The following DLG2 variants were observed in gnomAD, a reference collection of about 807,000 sequenced individuals.
DLG2 encodes disks large homolog 2.
DLG2 carries 45 observed loss-of-function variants against 132.5 expected under a neutral mutation model. The ratio of observed to expected loss-of-function variants is 0.34; its 90% confidence interval spans 0.27 to 0.44. The LOEUF is 0.44. Among genes scored for constraint, DLG2 ranks in the 20% least tolerant of loss-of-function variants. The pLI is 1.00. For synonymous variants in DLG2, 424 were observed against 419.6 expected, an observed-to-expected ratio of 1.01 and a Z score of -0.13; for missense variants, 1,045 against 1,196.9, an observed-to-expected ratio of 0.87 and a Z score of 1.87.
intron 18 of DLG2, among the ~76,000 whole-genome samples, chr11:83,694,955 A>T (rs1326319569): frequency 6.6e-6 from 1 of 152,238 alleles, no homozygotes; most frequent in African/African-American, 2.4e-5. Context: ...AGACACATTC[A>T]GTGGCCCCGT....
rs532690953 is a variant in DLG2 at position 83,917,265 on chromosome 11, GT to G, written c.1496+13062del. On this transcript the variant is annotated intron_variant, in intron 15 of 27. Transcript: ENST00000376104. ...AATTTGTTTCTTTTCAATCTTCTAA[GT>G]TTGCTGAATAGTTTTTGTTTTATTA... Among the ~76,000 whole-genome samples the G allele has an allele frequency of 3.9e-5, 6 of 152,208 alleles. No individual in the cohort carries two copies. In the South Asian group the frequency reaches 1.2e-3, roughly 32 times the overall value.
chr11:84,344,724 G>A (rs563600818), intron 7 of DLG2, among the ~76,000 whole-genome samples: 1 of 152,168 alleles, frequency 6.6e-6, no homozygotes, highest in East Asian at 1.9e-4. Context: ...TCCAACTAAC[G>A]TTCCCTGTCT....
intron 6 of DLG2, among the ~76,000 whole-genome samples, chr11:85,084,096 A>G (rs1174681670): frequency 6.6e-6 from 1 of 152,210 alleles, no homozygotes; most frequent in Non-Finnish European, 1.5e-5. Context: ...GCAGATAAAT[A>G]GAGCAACAGC....
chr11:84,580,112 A>G (rs188681469), intron 6 of DLG2, among the ~76,000 whole-genome samples: 112 of 152,306 alleles, frequency 7.4e-4, no homozygotes, highest in African/African-American at 2.6e-3. Flanking sequence ...TACTGATTTA[A>G]ATGAGGAAAT....
At chr11:83,637,051 T>C (rs1291621832) in intron 18 of DLG2, among the ~76,000 whole-genome samples, 1 of 152,218 alleles carries the variant, frequency 6.6e-6, no homozygotes, top group Non-Finnish European at 1.5e-5. Context: ...GGCAGAGCTC[T>C]GTCTCCAACT....
At chr11:84,508,400 C>CTTTTT (rs371285075) in intron 7 of DLG2, among the ~76,000 whole-genome samples, 2 of 141,086 alleles carry the variant, frequency 1.4e-5, no homozygotes, top group African/African-American at 5.2e-5. Flanking sequence ...CTTTCTTTAC[C>CTTTTT]TTTTTTTTTT....
intron 6 of DLG2, among the ~76,000 whole-genome samples, chr11:84,946,385 C>A (rs1170285354): frequency 6.6e-6 from 1 of 152,104 alleles, no homozygotes; most frequent in African/African-American, 2.4e-5. Flanking sequence ...CTGGCAACAA[C>A]TGATGCTTAT....
intron 7 of DLG2, among the ~76,000 whole-genome samples, chr11:84,406,154 C>T (rs1243492374): frequency 6.6e-6 from 1 of 152,152 alleles, no homozygotes; most frequent in African/African-American, 2.4e-5. Flanking sequence ...CCCTACTGCC[C>T]TAGCTGTCAC....
At chr11:85,519,022 CAT>C (rs2094224497) in intron 3 of DLG2, among the ~76,000 whole-genome samples, 2 of 152,164 alleles carry the variant, frequency 1.3e-5, no homozygotes, top group Non-Finnish European at 2.9e-5. Flanking sequence ...TATGGAAAGA[CAT>C]ATGGAAACAC....
chr11:84,863,145 C>G (rs1274988327), intron 6 of DLG2, among the ~76,000 whole-genome samples: 1 of 151,902 alleles, frequency 6.6e-6, no homozygotes, highest in Non-Finnish European at 1.5e-5. Flanking sequence ...TAAAGCTGAC[C>G]TTTAATTGTC....
chr11:83,786,020 A>G (rs1228116744), intron 18 of DLG2, among the ~76,000 whole-genome samples: 2 of 152,202 alleles, frequency 1.3e-5, no homozygotes, highest in African/African-American at 4.8e-5. Context: ...ATTTTCTAAG[A>G]AATCAACCAT....
chr11:85,171,840 A>T (rs2078899745), intron 4 of DLG2, among the ~76,000 whole-genome samples: 1 of 152,210 alleles, frequency 6.6e-6, no homozygotes, highest in Non-Finnish European at 1.5e-5. Flanking sequence ...CATAGCTGCC[A>T]TGCCAGATCA....
chr11:85,395,349 G>C (rs573500827), intron 3 of DLG2, among the ~76,000 whole-genome samples: 2 of 152,132 alleles, frequency 1.3e-5, no homozygotes, highest in African/African-American at 2.4e-5. Flanking sequence ...AGGCAGAAGA[G>C]GGGTGGTTTC....
intron 7 of DLG2, among the ~76,000 whole-genome samples, chr11:84,468,636 T>C (rs922276976): frequency 1.3e-5 from 2 of 151,544 alleles, no homozygotes; most frequent in Non-Finnish European, 3.0e-5. Context: ...TGGGTCCTTA[T>C]CATGGGATTT....
chr11:85,065,879 A>T (rs2154162879), intron 6 of DLG2, among the ~76,000 whole-genome samples: 1 of 151,692 alleles, frequency 6.6e-6, no homozygotes. Flanking sequence ...AAGATCTCAA[A>T]TTAACGATTT....
chr11:85,015,034 TC>T (rs1368169974), intron 6 of DLG2, among the ~76,000 whole-genome samples: 2 of 152,210 alleles, frequency 1.3e-5, no homozygotes, highest in East Asian at 1.9e-4. Flanking sequence ...ATTTTAAGCC[TC>T]CCCTCTTGAC....
At position 85,248,325 on chromosome 11, in the gene DLG2, A is replaced by G. The variant is rs116377778; in HGVS notation, c.186+36895T>C. 8.0e-3 allele frequency among the ~76,000 whole-genome samples: 1,219 copies of G among 152,244 alleles called. 26 individuals carry two copies. Among genetic ancestry groups the G allele is most frequent in the African/African-American group, 0.028 (1,166 of 41,562 alleles). On this transcript the variant is annotated intron_variant, in intron 4 of 27. Transcript: ENST00000376104. ...CTTTTTGTTGTGGTCACCCTTGTAAAAAGCATTGAGATCATTATTATTTTA... is the reference window on the plus strand; with the variant it reads ...CTTTTTGTTGTGGTCACCCTTGTAAGAAGCATTGAGATCATTATTATTTTA...
At chr11:83,615,602 T>A (rs2153420928) in intron 19 of DLG2, among the ~76,000 whole-genome samples, 1 of 152,322 alleles carries the variant, frequency 6.6e-6, no homozygotes, top group Admixed American at 6.5e-5. Context: ...CCTTCGTGGA[T>A]CCAATCTAAT....
At chr11:84,716,836 A>G (rs1025741309) in intron 6 of DLG2, among the ~76,000 whole-genome samples, 3 of 151,998 alleles carry the variant, frequency 2.0e-5, no homozygotes, top group African/African-American at 7.2e-5. Flanking sequence ...TATTTTAATA[A>G]AAGAAGTGGA....
Sources: allele counts gnomAD v4.1 joint callset (sites outside exome capture counted in the v4.1 genomes callset), GRCh38; gene constraint gnomAD v4.1.1; transcripts MANE v1.5; gene names NCBI Gene and HGNC (gene_info 2026-07-23, HGNC 2026-07-21).